Variants in NFIA observed in about 807,000 individuals in gnomAD.
NFIA encodes nuclear factor I A.
A neutral mutation model predicts 62.8 loss-of-function variants in NFIA; 8 were observed. The ratio of observed to expected loss-of-function variants is 0.13; its 90% CI spans 0.07 to 0.23. NFIA has a LOEUF of 0.23. NFIA is among the 10% of genes least tolerant of loss of function. The pLI, the probability that NFIA is intolerant of heterozygous loss-of-function variation, is 1.00. For synonymous variants in NFIA, 235 were observed against 238.1 expected (o/e 0.99, Z 0.12); for missense variants, 410 against 642.1 (o/e 0.64, Z 3.91).
Position 61,437,424 on chromosome 1 carries a change from T to C in NFIA, c.1512+10868T>C, listed in dbSNP as rs147534356. Among the ~76,000 whole-genome samples, 36 of 152,144 alleles carry C rather than the reference T, an allele frequency of 2.4e-4. No homozygotes were observed. The East Asian group carries it at 6.0e-3, about 25-fold the overall frequency. On this transcript the variant is annotated intron_variant, in intron 10 of 10. Transcript: ENST00000403491. ...TACATCTTGGTACACAGAGAAACCCTGGACTAGGAGTCAAAATACCTGGAT... is the reference window on the plus strand; with the variant it reads ...TACATCTTGGTACACAGAGAAACCCCGGACTAGGAGTCAAAATACCTGGAT...
intron 7 of NFIA, among the ~76,000 whole-genome samples, chr1:61,392,318 A>G (rs1284716693): frequency 6.6e-6 from 1 of 152,190 alleles, no homozygotes; most frequent in East Asian, 1.9e-4. Context: ...AGCCAAAGGA[A>G]AAAAAGAGTG....
rs139029053 is a variant in NFIA at position 61,395,106 on chromosome 1, C to CAGAG, written c.1076-8982_1076-8979dup. 4.0e-5 allele frequency among the ~76,000 whole-genome samples: 6 copies of CAGAG among 149,986 alleles called. No individual in the cohort carries two copies. The East Asian group carries it at 5.9e-4, about 15-fold the overall frequency. On this transcript the variant is annotated intron_variant, in intron 7 of 10. Transcript: ENST00000403491. ...TGGGCGACAGAGCAAAACCCTGTCT[C>CAGAG]AGAGAGAGAGAGAGAGAGAAAAGTA...
intron 2 of NFIA, among the ~76,000 whole-genome samples, chr1:61,146,971 A>G (rs761251249): frequency 5.3e-5 from 8 of 152,138 alleles, no homozygotes; most frequent in East Asian, 1.9e-4. Context: ...TGTATATTAC[A>G]TTGTTAGGAC....
chr1:61,095,131 A>G (rs1570138679), intron 2 of NFIA, among the ~76,000 whole-genome samples: 3 of 152,262 alleles, frequency 2.0e-5, no homozygotes, highest in Admixed American at 1.3e-4. Flanking sequence ...TGAGAACTTT[A>G]AACTTACTTC....
At chr1:61,229,840 G>T (rs1654562396) in intron 2 of NFIA, among the ~76,000 whole-genome samples, 1 of 152,040 alleles carries the variant, frequency 6.6e-6, no homozygotes, top group African/African-American at 2.4e-5. Flanking sequence ...AGTAACAAAG[G>T]AGAATAGTAT....
At chr1:61,394,063 A>G (rs1364616847) in intron 7 of NFIA, among the ~76,000 whole-genome samples, 1 of 152,234 alleles carries the variant, frequency 6.6e-6, no homozygotes, top group East Asian at 1.9e-4. Flanking sequence ...TTTGGCACAC[A>G]GTAGATTCTC....
At chr1:61,295,373 T>C (rs892298772) in intron 3 of NFIA, among the ~76,000 whole-genome samples, 14 of 152,164 alleles carry the variant, frequency 9.2e-5, no homozygotes, top group African/African-American at 3.4e-4. Context: ...AGAAAGGCAA[T>C]GTCCACCTCA....
At chr1:61,122,284 G>T (rs146721991) in intron 2 of NFIA, among the ~76,000 whole-genome samples, 1 of 152,298 alleles carries the variant, frequency 6.6e-6, no homozygotes, top group African/African-American at 2.4e-5. Context: ...AACAAGAGAA[G>T]ATGGCAATCC....
intron 2 of NFIA, among the ~76,000 whole-genome samples, chr1:61,100,362 C>T (rs1294219796): frequency 4.6e-5 from 7 of 152,068 alleles, no homozygotes; most frequent in Non-Finnish European, 8.8e-5. Flanking sequence ...TTGACAAGCT[C>T]TACTGTGTGA....
chr1:61,443,532 T>C (rs1667677365), intron 10 of NFIA, among the ~76,000 whole-genome samples: 1 of 152,216 alleles, frequency 6.6e-6, no homozygotes, highest in South Asian at 2.1e-4. Context: ...GGGATGCAGC[T>C]GCTGAATCTG....
chr1:61,192,985 A>G (rs1217433894), intron 2 of NFIA, among the ~76,000 whole-genome samples: 1 of 152,116 alleles, frequency 6.6e-6, no homozygotes, highest in Admixed American at 6.5e-5. Context: ...AAATTTAAAC[A>G]TTTTTGTTTC....
chr1:61,335,285 C>CTAGG (rs1661541093), intron 4 of NFIA, among the ~76,000 whole-genome samples: 1 of 152,118 alleles, frequency 6.6e-6, no homozygotes, highest in African/African-American at 2.4e-5. Flanking sequence ...TAGAGATAAT[C>CTAGG]TAGGTTTGTC....
intron 7 of NFIA, among the ~76,000 whole-genome samples, chr1:61,402,798 C>T (rs768771730): frequency 2.0e-5 from 3 of 152,196 alleles, no homozygotes; most frequent in Non-Finnish European, 4.4e-5. Context: ...GCTTCCCCTC[C>T]AATCGCCCAT....
chr1:61,386,890 G>A (rs1171557913), intron 7 of NFIA, among the ~76,000 whole-genome samples: 1 of 152,200 alleles, frequency 6.6e-6, no homozygotes, highest in South Asian at 2.1e-4. Flanking sequence ...TTAAGGCTCT[G>A]GCAGCTTCTG....
chr1:61,122,375 T>TA (rs1646901413), intron 2 of NFIA, among the ~76,000 whole-genome samples: 1 of 152,184 alleles, frequency 6.6e-6, no homozygotes, highest in Admixed American at 6.5e-5. Flanking sequence ...CTGTAAGAGT[T>TA]ATATTGTAAA....
intron 4 of NFIA, among the ~76,000 whole-genome samples, chr1:61,341,956 C>A (rs1029098456): frequency 5.9e-5 from 9 of 152,242 alleles, no homozygotes; most frequent in African/African-American, 1.9e-4. Context: ...TGAGATTTGG[C>A]TGGAGTACAT....
intron 2 of NFIA, among the ~76,000 whole-genome samples, chr1:61,254,070 TCATAAA>T (rs1373584217): frequency 6.6e-6 from 1 of 152,206 alleles, no homozygotes; most frequent in African/African-American, 2.4e-5. Flanking sequence ...GAGTAAGACT[TCATAAA>T]CATAAAGTAC....
intron 2 of NFIA, among the ~76,000 whole-genome samples, chr1:61,184,350 ACG>A (rs1651000478): frequency 6.6e-6 from 1 of 152,236 alleles, no homozygotes; most frequent in African/African-American, 2.4e-5. Flanking sequence ...CCACGAGGGC[ACG>A]CACAGCCATT....
At chr1:61,154,600 G>A (rs1648660220) in intron 2 of NFIA, among the ~76,000 whole-genome samples, 1 of 152,094 alleles carries the variant, frequency 6.6e-6, no homozygotes, top group Admixed American at 6.5e-5. Flanking sequence ...ACAGGCACAC[G>A]CCACCCTGCC....
Sources: allele counts gnomAD v4.1 joint callset (sites outside exome capture counted in the v4.1 genomes callset), GRCh38; gene constraint gnomAD v4.1.1; transcripts MANE v1.5; gene names NCBI Gene and HGNC (gene_info 2026-07-23, HGNC 2026-07-21).